The following SLC4A10 variants were observed in gnomAD, a reference collection of about 807,000 sequenced individuals.
SLC4A10 encodes sodium-driven chloride bicarbonate exchanger.
SLC4A10 carries 42 observed loss-of-function variants against 137.7 expected under a neutral mutation model. The ratio of observed to expected loss-of-function variants is 0.30; its 90% CI spans 0.24 to 0.39. The LOEUF (loss-of-function observed/expected upper bound fraction) is 0.39. SLC4A10 is among the 10% of genes least tolerant of loss of function. The pLI, the probability that SLC4A10 is intolerant of heterozygous loss-of-function variation, is 1.00. For missense variants in SLC4A10, 925 were observed against 1,355.0 expected (o/e 0.68, Z 4.98); for synonymous variants, 474 against 464.1 (o/e 1.02, Z -0.27).
chr2:161,973,142 T>C (rs1698838371), intron 23 of SLC4A10, among the ~76,000 whole-genome samples: 1 of 152,152 alleles, frequency 6.6e-6, no homozygotes, highest in African/African-American at 2.4e-5. Context: ...GGCCATCCCT[T>C]TTTTCTTTCA....
chr2:161,712,843 G>C (rs1030518510), intron 1 of SLC4A10, among the ~76,000 whole-genome samples: 11 of 151,812 alleles, frequency 7.2e-5, no homozygotes, highest in African/African-American at 2.7e-4. Flanking sequence ...AATTGGCAGA[G>C]TCAGTTGAAT....
At chr2:161,797,405 G>A (rs1275862374) in intron 2 of SLC4A10, among the ~76,000 whole-genome samples, 1 of 152,060 alleles carries the variant, frequency 6.6e-6, no homozygotes, top group Non-Finnish European at 1.5e-5. Flanking sequence ...AACTCCTACA[G>A]CATTTGATGG....
chr2:161,901,012 GT>G lies in SLC4A10; in HGVS notation c.1442+3del. 1.3e-6 allele frequency: 2 copies of G among 1,557,258 alleles called. No individual in the cohort carries two copies. Among genetic ancestry groups the G allele is most frequent in the Non-Finnish European group, 1.7e-6 (2 of 1,149,174 alleles). ...GACCTGAACTCCAGCGAACTGGAAG[GT>G]TAGTGAAAATCACTTCTATGGGACT... On this transcript the variant is annotated splice_donor_variant, in intron 12 of 26. Coordinates refer to ENST00000446997, the MANE Select transcript of SLC4A10 (RefSeq NM_001178015.2). LOFTEE classifies it high-confidence loss of function.
At position 161,804,583 on chromosome 2, in the gene SLC4A10, T is replaced by C. The variant is rs1480081907; in HGVS notation, c.265T>C (p.Ser89Pro). Residue 89 changes from serine (S) to proline (P), a missense_variant, in exon 3 of 27, where the codon TCA becomes CCA. By Grantham distance (74) the Ser-to-Pro change is moderately conservative. Coordinates refer to ENST00000446997, the MANE Select transcript of SLC4A10 (RefSeq NM_001178015.2). Reference sequence around the variant, plus strand: ...TTCAGGATTAGAGGATGGAAGGGAGTCACCTTCTTTTGGTAAGAATCCTTC... The same window carrying C: ...TTCAGGATTAGAGGATGGAAGGGAGCCACCTTCTTTTGGTAAGAATCCTTC... ...RDSGLEDGRE[S>P]PSFDTPSQRV... The C allele has an allele frequency of 2.5e-6, 4 of 1,609,242 alleles. No homozygotes were observed. In the African/African-American group the frequency reaches 4.0e-5, roughly 16 times the overall value.
Position 161,804,610 on chromosome 2 carries a change from C to T in SLC4A10, c.277+15C>T, listed in dbSNP as rs41267439. 7,604 of 1,593,616 alleles carry T rather than the reference C, an allele frequency of 4.8e-3. 21 individuals carry two copies. Among genetic ancestry groups the T allele is most frequent in the Non-Finnish European group, 5.5e-3 (6,462 of 1,169,582 alleles). ...ACCTTCTTTTGGTAAGAATCCTTCTCCTTGTTTTTATTAAGTTAATTATTG... is the reference window on the plus strand; with the variant it reads ...ACCTTCTTTTGGTAAGAATCCTTCTTCTTGTTTTTATTAAGTTAATTATTG... On this transcript the variant is annotated intron_variant, in intron 3 of 26. Transcript: ENST00000446997.
At chr2:161,706,622 C>T (rs760141167) in intron 1 of SLC4A10, among the ~76,000 whole-genome samples, 5 of 151,396 alleles carry the variant, frequency 3.3e-5, no homozygotes, top group Admixed American at 6.6e-5. Context: ...TATTTTAAAC[C>T]TGATTATGCT....
chr2:161,961,269 C>G (rs1696661232), intron 21 of SLC4A10, among the ~76,000 whole-genome samples: 1 of 152,146 alleles, frequency 6.6e-6, no homozygotes, highest in African/African-American at 2.4e-5. Flanking sequence ...TAAGACAATA[C>G]TGGCTGCCAG....
chr2:161,640,244 A>G (rs893592953), intron 1 of SLC4A10, among the ~76,000 whole-genome samples: 1 of 152,078 alleles, frequency 6.6e-6, no homozygotes, highest in Non-Finnish European at 1.5e-5. Flanking sequence ...AATTCTCTCA[A>G]TTGAGGGCTC....
At chr2:161,844,802 A>G (rs1349441399) in intron 4 of SLC4A10, among the ~76,000 whole-genome samples, 1 of 152,122 alleles carries the variant, frequency 6.6e-6, no homozygotes, top group East Asian at 1.9e-4. Context: ...ACACCTATTT[A>G]ATGTTGCTTA....
rs79996964 is a variant in SLC4A10, at chr2:161,787,505, A to G, written c.130+16451A>G. Among the ~76,000 whole-genome samples, 937 of 152,214 alleles carry G rather than the reference A, an allele frequency of 6.2e-3. 11 individuals are homozygous for G. The highest frequency in any genetic ancestry group is 0.021 in the African/African-American group (892 of 41,556). ...GAAATTTTTCTGAATGATTCCTTTA[A>G]ATATGTTTCCAAATTGCTTACTTTT... On this transcript the variant is annotated intron_variant, in intron 2 of 26. Transcript: ENST00000446997.
intron 15 of SLC4A10, among the ~76,000 whole-genome samples, chr2:161,939,683 T>C (rs1012336794): frequency 9.9e-5 from 15 of 152,118 alleles, no homozygotes; most frequent in Admixed American, 2.6e-4. Context: ...TTTGTAACCA[T>C]GGGTAAGTGT....
chr2:161,975,289 C>T lies in SLC4A10; in HGVS notation c.3227+973C>T, dbSNP rs149276029. On this transcript the variant is annotated intron_variant, in intron 24 of 26. Coordinates refer to ENST00000446997, the MANE Select transcript of SLC4A10 (RefSeq NM_001178015.2). ...ATTTCCAAGTGTATTAGGTAGAAAC[C>T]TAGTCTTGTGTGATACCACTCTCGA... 1.3e-4 allele frequency among the ~76,000 whole-genome samples: 19 copies of T among 151,930 alleles called. No homozygotes were observed. In the East Asian group the frequency reaches 2.9e-3, roughly 23 times the overall value.
chr2:161,691,496 A>G (rs1256709766), intron 1 of SLC4A10, among the ~76,000 whole-genome samples: 1 of 152,136 alleles, frequency 6.6e-6, no homozygotes, highest in Non-Finnish European at 1.5e-5. Context: ...CATAGAATAA[A>G]TGCTTGACAG....
intron 1 of SLC4A10, among the ~76,000 whole-genome samples, chr2:161,763,673 G>T (rs1300960223): frequency 6.6e-6 from 1 of 152,060 alleles, no homozygotes; most frequent in African/African-American, 2.4e-5. Context: ...GCCTAACAGG[G>T]GCTATGCCTC....
At chr2:161,683,401 GA>G (rs935731679) in intron 1 of SLC4A10, among the ~76,000 whole-genome samples, 1 of 152,178 alleles carries the variant, frequency 6.6e-6, no homozygotes, top group Non-Finnish European at 1.5e-5. Flanking sequence ...AAGTTGCAGA[GA>G]GGGTATTTAG....
At chr2:161,749,775 C>G (rs1015575033) in intron 1 of SLC4A10, among the ~76,000 whole-genome samples, 2 of 151,870 alleles carry the variant, frequency 1.3e-5, no homozygotes, top group Non-Finnish European at 3.0e-5. Context: ...GTAGTATTGC[C>G]TCATAAAATG....
intron 1 of SLC4A10, among the ~76,000 whole-genome samples, chr2:161,659,733 A>G (rs1230221823): frequency 6.6e-6 from 1 of 152,208 alleles, no homozygotes; most frequent in Non-Finnish European, 1.5e-5. Flanking sequence ...TTTATAATAG[A>G]CAAAAAGTGA....
chr2:161,743,988 C>A lies in SLC4A10; in HGVS notation c.49-26985C>A, dbSNP rs1366997344. 2.0e-5 allele frequency among the ~76,000 whole-genome samples: 3 copies of A among 152,226 alleles called. No individual in the cohort carries two copies. The East Asian group carries it at 5.8e-4, about 29-fold the overall frequency. On this transcript the variant is annotated intron_variant, in intron 1 of 26. Transcript: ENST00000446997. ...GATATTTTATGTTGATTATGTCCTGCAACTTTCCTGAATTTTTTAAATCAG... is the reference window on the plus strand; with the variant it reads ...GATATTTTATGTTGATTATGTCCTGAAACTTTCCTGAATTTTTTAAATCAG...
At chr2:161,812,728 A>G (rs1396526063) in intron 3 of SLC4A10, among the ~76,000 whole-genome samples, 1 of 152,102 alleles carries the variant, frequency 6.6e-6, no homozygotes, top group Non-Finnish European at 1.5e-5. Context: ...ACAGTATTCC[A>G]TGGTGTATAT....
Sources: gnomAD v4.1 joint callset for allele counts (sites outside exome capture counted in the v4.1 genomes callset) on GRCh38, gnomAD v4.1.1 for gene constraint, MANE v1.5 for transcripts, NCBI Gene and HGNC (gene_info 2026-07-23, HGNC 2026-07-21) for gene names.